The following MED27 variants were observed in gnomAD, a reference collection of about 807,000 sequenced individuals.
The protein encoded by MED27 is mediator complex subunit 27, also known as mediator of RNA polymerase II transcription subunit 27.
A neutral mutation model predicts 38.2 loss-of-function variants in MED27; 30 were observed. That is an observed-to-expected ratio of 0.79 (90% CI 0.59 to 1.07). MED27 has a LOEUF of 1.07. MED27 is among the 50% of genes least tolerant of loss of function. MED27 has a pLI of 0.00. For synonymous variants in MED27, 122 were observed against 153.5 expected (o/e 0.79, Z 1.52); for missense variants, 289 against 397.5 (o/e 0.73, Z 2.32).
intron 2 of MED27, among the ~76,000 whole-genome samples, chr9:132,046,782 T>C (rs1833350423): frequency 1.3e-5 from 2 of 152,150 alleles, no homozygotes; most frequent in African/African-American, 4.8e-5. Context: ...CCCCCGCACA[T>C]ACGCACATAC....
chr9:131,958,681 T>C (rs887818051), intron 3 of MED27, among the ~76,000 whole-genome samples: 1 of 152,360 alleles, frequency 6.6e-6, no homozygotes, highest in East Asian at 1.9e-4. Flanking sequence ...GCTCCCACCG[T>C]GGTGCCAAAC....
At chr9:131,991,780 G>C (rs1269948831) in intron 3 of MED27, among the ~76,000 whole-genome samples, 2 of 152,160 alleles carry the variant, frequency 1.3e-5, no homozygotes, top group Admixed American at 6.5e-5. Flanking sequence ...GGAGTGCAGT[G>C]GCGCAATCTC....
chr9:131,991,385 T>C (rs1831969278), intron 3 of MED27, among the ~76,000 whole-genome samples: 1 of 152,208 alleles, frequency 6.6e-6, no homozygotes. Flanking sequence ...TCAAAGCCTC[T>C]ATTTTTCATC....
intron 2 of MED27, among the ~76,000 whole-genome samples, chr9:132,069,093 C>G (rs776653010): frequency 2.0e-5 from 3 of 152,192 alleles, no homozygotes; most frequent in Non-Finnish European, 4.4e-5. Flanking sequence ...AGAGGAAATG[C>G]CCTTCATAGG....
At chr9:131,907,599 C>T (rs55755432) in intron 4 of MED27, among the ~76,000 whole-genome samples, 20,994 of 152,120 alleles carry the variant, frequency 0.14, 1,502 homozygotes, top group Non-Finnish European at 0.16. Context: ...CTGCCTTGGC[C>T]CCCCAAAGTG....
chr9:132,064,814 G>A (rs1052672985), intron 2 of MED27, among the ~76,000 whole-genome samples: 21 of 152,112 alleles, frequency 1.4e-4, no homozygotes, highest in African/African-American at 4.3e-4. Context: ...TAAGTCACCC[G>A]GCACTCTGTC....
chr9:132,001,415 A>G (rs1832231718), intron 3 of MED27, among the ~76,000 whole-genome samples: 1 of 152,236 alleles, frequency 6.6e-6, no homozygotes, highest in African/African-American at 2.4e-5. Context: ...AACAATACAC[A>G]TCAGATCACA....
intron 5 of MED27, among the ~76,000 whole-genome samples, chr9:131,886,034 A>G (rs2131489769): frequency 6.6e-6 from 1 of 152,342 alleles, no homozygotes; most frequent in Non-Finnish European, 1.5e-5. Context: ...TTGGGAAGCC[A>G]TTGGACAGGA....
At chr9:131,909,182 A>G (rs1326528365) in intron 4 of MED27, among the ~76,000 whole-genome samples, 2 of 152,168 alleles carry the variant, frequency 1.3e-5, no homozygotes, top group Non-Finnish European at 2.9e-5. Flanking sequence ...TTTATTGAGA[A>G]GAAGAAGGGA....
At chr9:132,020,584 A>C (rs144413841) in intron 2 of MED27, among the ~76,000 whole-genome samples, 1 of 152,238 alleles carries the variant, frequency 6.6e-6, no homozygotes, top group African/African-American at 2.4e-5. Flanking sequence ...GTGAGTTGCA[A>C]GGACCTTTGC....
At chr9:131,876,763 C>T (rs1054366681) in intron 6 of MED27, among the ~76,000 whole-genome samples, 1 of 152,090 alleles carries the variant, frequency 6.6e-6, no homozygotes. Flanking sequence ...AGCCCACTAG[C>T]GGGCTCACGC....
rs1392707209 is a variant in MED27 at position 131,893,897 on chromosome 9, T to C, written c.669A>G (p.Thr223=). Residue 223 remains threonine (T), a synonymous_variant, in exon 5 of 8, where the codon ACA becomes ACG. Transcript: ENST00000292035. ...GCACAATGCTTACCTTGCCATCTTC[T>C]GTGTAGACATTCTCGTTATATCCCT... The part of the protein sequence containing the change: ...IVKGYNENVY[T]EDGKLDIWSK... The C allele has an allele frequency of 5.6e-6, 9 of 1,613,276 alleles. No homozygotes were observed. The highest frequency in any genetic ancestry group is 7.6e-6 in the Non-Finnish European group (9 of 1,179,430).
At chr9:131,944,442 C>T (rs999915302) in intron 3 of MED27, among the ~76,000 whole-genome samples, 7 of 152,116 alleles carry the variant, frequency 4.6e-5, no homozygotes, top group Non-Finnish European at 8.8e-5. Context: ...AATATTTCCT[C>T]CAAAAACTAA....
intron 2 of MED27, among the ~76,000 whole-genome samples, chr9:132,053,276 G>T (rs1020558904): frequency 8.6e-5 from 13 of 150,900 alleles, no homozygotes; most frequent in South Asian, 8.4e-4. Flanking sequence ...AAAAGAAAAA[G>T]AAAGGGCTGC....
chr9:132,015,466 A>C (rs1273155635), intron 2 of MED27, among the ~76,000 whole-genome samples: 2 of 152,214 alleles, frequency 1.3e-5, no homozygotes, highest in East Asian at 1.9e-4. Context: ...AAACCAAACA[A>C]AACTTTGAAT....
In MED27 at chr9:132,003,361, T is replaced by C. The variant is rs563702196; in HGVS notation, c.479+10976A>G. On this transcript the variant is annotated intron_variant, in intron 3 of 7. Coordinates refer to ENST00000292035, the MANE Select transcript of MED27 (RefSeq NM_004269.4). This position sits in a 1 kb window ranked among gnomAD's most constrained non-coding sequence, Gnocchi z 4.2. ...TTTTCTATTTTATGCAATTTCTCTTTGACTCAGTATCTACGGAAGACACTG... is the reference window on the plus strand; with the variant it reads ...TTTTCTATTTTATGCAATTTCTCTTCGACTCAGTATCTACGGAAGACACTG... Among the ~76,000 whole-genome samples, 4 of 152,372 alleles carry C rather than the reference T, an allele frequency of 2.6e-5. No homozygotes were observed. The South Asian group carries it at 6.2e-4, about 24-fold the overall frequency.
In MED27 at chr9:132,079,814, G is replaced by C. The variant is rs773718962; in HGVS notation, c.31C>G (p.Leu11Val). ...CTAATGGCCTGGGAAAAGGCCTCCA[G>C]GTTCACACTGACATTTATCACGTCC... MADVINVSVN[L>V]EAFSQAISAI... Residue 11 changes from leucine (L) to valine (V), a missense_variant, in exon 1 of 8, where the codon CTG (leucine) becomes GTG (valine). Leu to Val is a conservative substitution (Grantham distance 32). Coordinates refer to ENST00000292035, the MANE Select transcript of MED27 (RefSeq NM_004269.4). 1.9e-6 allele frequency: 3 copies of C among 1,609,380 alleles called. No individual in the cohort carries two copies. The highest frequency in any genetic ancestry group is 1.7e-5 in the Admixed American group (1 of 58,748).
At chr9:131,908,257 G>A (rs1830114448) in intron 4 of MED27, among the ~76,000 whole-genome samples, 1 of 147,544 alleles carries the variant, frequency 6.8e-6, no homozygotes, top group Admixed American at 6.7e-5. Flanking sequence ...GGAGGTGGGG[G>A]GGTCAGCCCC....
chr9:131,933,872 C>G (rs995252009), intron 4 of MED27, among the ~76,000 whole-genome samples: 1 of 152,124 alleles, frequency 6.6e-6, no homozygotes. Flanking sequence ...TACCTGACTT[C>G]AAATTATATT....
Sources: gnomAD v4.1 joint callset for allele counts (sites outside exome capture counted in the v4.1 genomes callset) on GRCh38, gnomAD v4.1.1 for gene constraint, Gnocchi (gnomAD v3.1) non-coding constraint, MANE v1.5 for transcripts, NCBI Gene and HGNC (gene_info 2026-07-23, HGNC 2026-07-21) for gene names.